RNF208: variants seen among roughly 807,000 people sequenced by gnomAD.
RNF208 encodes ring finger protein 208.
In RNF208, 7 loss-of-function variants were observed where a neutral mutation model predicts 15.2. That is an observed-to-expected ratio of 0.46 (90% confidence interval 0.26 to 0.86). The LOEUF (loss-of-function observed/expected upper bound fraction) is 0.86. RNF208 is among the 40% of genes least tolerant of loss of function. RNF208 has a pLI of 0.16. For synonymous variants in RNF208, 211 were observed against 163.2 expected, an observed-to-expected ratio of 1.29 and a Z score of -2.23; for missense variants, 342 against 364.1, an observed-to-expected ratio of 0.94 and a Z score of 0.49.
chr9:137,221,172 G>C lies in RNF208; in HGVS notation c.41C>G (p.Pro14Arg), dbSNP rs770797630. ...CTTCAGGCAGGACATGAGGAGGCCC[G>C]GCCAGCCACTGCCCGCCTCGGGCCC... Reference protein sequence around the residue: ...DPGPEAGSGWPGLLMSCLKGP... With the variant: ...DPGPEAGSGWRGLLMSCLKGP... The change falls in exon 2 of 2, where the codon CCG (proline) becomes CGG (arginine). Residue 14 changes from proline to arginine, a missense_variant. Physicochemically the swap from Pro to Arg is moderately radical, Grantham distance 103. Around this residue, in one of 3 missense-constraint regions of RNF208, gnomAD observed 207 missense variants for 193.7 expected, o/e 1.07. Transcript: ENST00000391553. The C allele has an allele frequency of 6.5e-7, 1 of 1,542,246 alleles. No individual in the cohort carries two copies. Among genetic ancestry groups the C allele is most frequent in the East Asian group, 2.3e-5 (1 of 43,548 alleles).
At position 137,220,812 on chromosome 9, in the gene RNF208, G is replaced by A. The variant is rs201582442; in HGVS notation, c.401C>T (p.Ser134Leu). 970 of 1,608,018 alleles carry A rather than the reference G, an allele frequency of 6.0e-4. 1 individual carries two copies. The highest frequency in any genetic ancestry group is 7.6e-4 in the Non-Finnish European group (900 of 1,177,600). ...RPGPSASAAS[S>L]AAAGEPLECP... The stretch of plus-strand genomic sequence containing the variant: ...CTCCAGGGGCTCGCCTGCCGCCGCC[G>A]AAGAAGCCGCCGAGGCCGAGGGGCC... The change falls in exon 2 of 2, where the codon TCG (serine) becomes TTG (leucine). Residue 134 changes from serine (S) to leucine (L), a missense_variant. Transcript: ENST00000391553.
Position 137,220,946 on chromosome 9 carries a change from G to T in RNF208, c.267C>A (p.Pro89=). The change falls in exon 2 of 2, where the codon CCC becomes CCA. Residue 89 remains proline, a synonymous_variant. Coordinates refer to ENST00000391553, the MANE Select transcript of RNF208 (RefSeq NM_031297.7). The stretch of plus-strand genomic sequence containing the variant: ...GCCGCCGTGGCAGTGGCGGGGTATG[G>T]GGTGCCCCTTCCAAGGCAGGCATGT... The part of the protein sequence containing the change: ...GGDMPALEGA[P]HTPPLPRRPR... The T allele has an allele frequency of 6.5e-7, 1 of 1,549,264 alleles. No homozygotes were observed. The highest frequency in any genetic ancestry group is 8.7e-7 in the Non-Finnish European group (1 of 1,145,230).
upstream of RNF208, among the ~76,000 whole-genome samples, chr9:137,223,245 T>C (rs1176012216): frequency 1.3e-5 from 2 of 152,014 alleles, no homozygotes; most frequent in African/African-American, 4.8e-5. Flanking sequence ...AGAAGAGCAA[T>C]AGGGAGAGGT....
upstream of RNF208, among the ~76,000 whole-genome samples, chr9:137,222,272 G>GGCGCCCGCCC (rs1207933857): frequency 5.5e-5 from 8 of 146,760 alleles, no homozygotes; most frequent in East Asian, 9.8e-4. Context: ...CAGTGCGCGC[G>GGCGCCCGCCC]GCGCCCGCCC....
rs539579214 is a variant in RNF208 at position 137,221,060 on chromosome 9, C to T, written c.153G>A (p.Pro51=). The T allele has an allele frequency of 1.1e-5, 18 of 1,601,032 alleles. No individual in the cohort carries two copies. In the South Asian group the frequency reaches 1.6e-4, roughly 14 times the overall value. The change falls in exon 2 of 2, where the codon CCG becomes CCA. Residue 51 remains proline, a synonymous_variant. Coordinates refer to ENST00000391553, the MANE Select transcript of RNF208 (RefSeq NM_031297.7). ...FPELPAAPCF[P]PAPRPTPTLA... Reference sequence around the variant, plus strand: ...GAGTTGGGGTGGGCCGGGGAGCAGGCGGGAAGCAGGGGGCAGCCGGTAGCT... The same window carrying T: ...GAGTTGGGGTGGGCCGGGGAGCAGGTGGGAAGCAGGGGGCAGCCGGTAGCT...
rs1345585497 is a variant in RNF208, at chr9:137,221,270, G to T, written c.-58C>A. On this transcript the variant is annotated 5_prime_UTR_variant, in exon 2 of 2. Transcript: ENST00000391553. ...TGGGTGGGGGCGTTGTGTGGGGCTG[G>T]GGGGCAGGTGACAGGGCAGCATCCT... 2.5e-6 allele frequency: 3 copies of T among 1,188,246 alleles called. No individual in the cohort carries two copies. In the East Asian group the frequency reaches 8.9e-5, roughly 35 times the overall value. 73.6% of individuals were successfully genotyped at this position (1,188,246 alleles called of 1,614,324 possible).
chr9:137,222,241 G>C (rs1835881819), upstream of RNF208, among the ~76,000 whole-genome samples: 1 of 146,334 alleles, frequency 6.8e-6, no homozygotes, highest in African/African-American at 2.4e-5. Context: ...GGCGCGCTCT[G>C]CGGCGGAGGC....
rs1031478066 is a variant in RNF208 at position 137,221,251 on chromosome 9, G to A, written c.-39C>T. On this transcript the variant is annotated 5_prime_UTR_variant, in exon 2 of 2. Transcript: ENST00000391553. ...GTCAGACTGGATGTTCGGGTGGGTG[G>A]GGGCGTTGTGTGGGGCTGGGGGGCA... 9 of 1,389,236 alleles carry A rather than the reference G, an allele frequency of 6.5e-6. No individual in the cohort carries two copies. Among genetic ancestry groups the A allele is most frequent in the Non-Finnish European group, 8.5e-6 (9 of 1,059,400 alleles). 86.1% of individuals were successfully genotyped at this position (1,389,236 alleles called of 1,614,324 possible).
chr9:137,223,131 T>G (rs938031083), upstream of RNF208, among the ~76,000 whole-genome samples: 4 of 152,214 alleles, frequency 2.6e-5, no homozygotes, highest in Admixed American at 6.5e-5. Flanking sequence ...GAGGGGACGG[T>G]GCCGCTGGTG....
chr9:137,220,971 T>TC lies in RNF208; in HGVS notation c.241dup (p.Asp81GlyfsTer20), dbSNP rs1835856952. 5 of 1,547,280 alleles carry TC rather than the reference T, an allele frequency of 3.2e-6. No homozygotes were observed. Among genetic ancestry groups the TC allele is most frequent in the African/African-American group, 1.4e-5 (1 of 73,878 alleles). On this transcript the variant is annotated frameshift_variant, in exon 2 of 2. Coordinates refer to ENST00000391553, the MANE Select transcript of RNF208 (RefSeq NM_031297.7). LOFTEE classifies it high-confidence loss of function. Reference sequence around the variant, plus strand: ...GGGTGCCCCTTCCAAGGCAGGCATGTCCCCCCCACAGGCCTGGTTGACAAT... The same window carrying TC: ...GGGTGCCCCTTCCAAGGCAGGCATGTCCCCCCCCACAGGCCTGGTTGACAAT...
rs774807823 is a variant in RNF208, at chr9:137,220,933, G to A, written c.280C>T (p.Leu94=). ...ALEGAPHTPP[L]PRRPRKGSSE... is the part of the protein sequence containing the mutation. ...CTTCCCTTACGGGGCCGCCGTGGCA[G>A]TGGCGGGGTATGGGGTGCCCCTTCC... Residue 94 remains leucine, a synonymous_variant, in exon 2 of 2, where the codon CTG becomes TTG. Transcript: ENST00000391553. 2 of 1,554,624 alleles carry A rather than the reference G, an allele frequency of 1.3e-6. No homozygotes were observed. Among genetic ancestry groups the A allele is most frequent in the South Asian group, 1.2e-5 (1 of 82,636 alleles).
Sources: gnomAD v4.1 joint callset for allele counts (sites outside exome capture counted in the v4.1 genomes callset) on GRCh38, gnomAD v4.1.1 for gene constraint, gnomAD v4.1.1 regional missense constraint, MANE v1.5 for transcripts, NCBI Gene and HGNC (gene_info 2026-07-23, HGNC 2026-07-21) for gene names.